Variants in ABCG1 observed in about 807,000 individuals in gnomAD.
The protein encoded by ABCG1 is ATP binding cassette subfamily G member 1.
In ABCG1, 29 loss-of-function variants were observed where a neutral mutation model predicts 69.2. That is an observed-to-expected ratio of 0.42 (90% CI 0.31 to 0.57). The LOEUF is 0.57. ABCG1 is among the 20% of genes least tolerant of loss of function. The pLI is 0.15. For missense variants in ABCG1, 718 were observed against 898.1 expected, an observed-to-expected ratio of 0.80 and a Z score of 2.56; for synonymous variants, 370 against 374.8, an observed-to-expected ratio of 0.99 and a Z score of 0.15.
intron 2 of ABCG1, among the ~76,000 whole-genome samples, chr21:42,244,882 C>T (rs2068108912): frequency 6.6e-6 from 1 of 152,246 alleles, no homozygotes; most frequent in African/African-American, 2.4e-5. Flanking sequence ...CTGTTGGAAC[C>T]CGAGCTTCAG....
chr21:42,260,978 C>A (rs983015557), intron 2 of ABCG1, among the ~76,000 whole-genome samples: 1 of 152,154 alleles, frequency 6.6e-6, no homozygotes, highest in Non-Finnish European at 1.5e-5. Flanking sequence ...CCAGCCACCA[C>A]ACCCGGCTAA....
chr21:42,276,690 A>G lies in ABCG1; in HGVS notation c.538-205A>G. 1.7e-6 allele frequency: 1 copy of G among 584,444 alleles called. No individual in the cohort carries two copies. 36.2% of individuals were successfully genotyped at this position (584,444 alleles called of 1,614,324 possible). On this transcript the variant is annotated intron_variant, in intron 4 of 14. Transcript: ENST00000398449. This position sits in a 1 kb window ranked among gnomAD's most constrained non-coding sequence, Gnocchi z 5.3. ...GCCTAGCTGCACTGTGGATAGCTGC[A>G]CCGTGACTAGTGGCACCGTGGCTAG...
chr21:42,280,256 G>A (rs1413205712), intron 5 of ABCG1, among the ~76,000 whole-genome samples: 1 of 152,252 alleles, frequency 6.6e-6, no homozygotes, highest in Non-Finnish European at 1.5e-5. Flanking sequence ...CCCCCGATGT[G>A]CACCTAGGTC....
intron 5 of ABCG1, among the ~76,000 whole-genome samples, chr21:42,281,826 C>A (rs113164880): frequency 1.8e-4 from 28 of 152,360 alleles, no homozygotes; most frequent in African/African-American, 6.7e-4. Flanking sequence ...ATCACAGCGA[C>A]CCTCCCCTTC....
At chr21:42,279,943 G>A (rs1281934345) in intron 5 of ABCG1, among the ~76,000 whole-genome samples, 1 of 152,222 alleles carries the variant, frequency 6.6e-6, no homozygotes, top group Admixed American at 6.5e-5. Flanking sequence ...GCCCGGATGA[G>A]AGCCTCCAGC....
chr21:42,278,670 T>C (rs1436376698), intron 5 of ABCG1, among the ~76,000 whole-genome samples: 2 of 152,256 alleles, frequency 1.3e-5, no homozygotes, highest in East Asian at 3.9e-4. Flanking sequence ...GGAGTTTCTG[T>C]TGTGGAAACC....
chr21:42,260,362 T>A (rs2068386826), intron 2 of ABCG1, among the ~76,000 whole-genome samples: 1 of 152,172 alleles, frequency 6.6e-6, no homozygotes, highest in African/African-American at 2.4e-5. Flanking sequence ...TGCCAGGGGC[T>A]CATCACCTGT....
chr21:42,264,801 G>A (rs1047697748), intron 2 of ABCG1, among the ~76,000 whole-genome samples: 1 of 152,072 alleles, frequency 6.6e-6, no homozygotes, highest in Admixed American at 6.6e-5. Context: ...ATAGAGGAGC[G>A]CTGTTTGGGG....
intron 2 of ABCG1, among the ~76,000 whole-genome samples, chr21:42,238,892 G>A (rs1249928960): frequency 3.3e-5 from 5 of 152,192 alleles, no homozygotes; most frequent in Non-Finnish European, 5.9e-5. Context: ...TTGGCAGGTC[G>A]TGAACATTGT....
chr21:42,294,708 G>T, intron 14 of ABCG1, 48 bp downstream of exon 14: 1 of 1,536,572 alleles, frequency 6.5e-7, no homozygotes, highest in Non-Finnish European at 9.0e-7. Flanking sequence ...GGTGACGGGG[G>T]AAGAACCGTC....
rs771197402 is a variant in ABCG1 at position 42,273,580 on chromosome 21, A to G, written c.537+145A>G. On this transcript the variant is annotated intron_variant, in intron 4 of 14. Coordinates refer to ENST00000398449, the MANE Select transcript of ABCG1 (RefSeq NM_016818.3). This position sits in a 1 kb window ranked among gnomAD's most constrained non-coding sequence, Gnocchi z 5.3. ...TGCACAGGGCCAGCAACCTCCCTCTAGCGGAGTTCTAACACCAGACTCGCT... is the reference window on the plus strand; with the variant it reads ...TGCACAGGGCCAGCAACCTCCCTCTGGCGGAGTTCTAACACCAGACTCGCT... 2.2e-6 allele frequency: 2 copies of G among 920,074 alleles called. No homozygotes were observed. Among genetic ancestry groups the G allele is most frequent in the South Asian group, 1.8e-5 (1 of 55,726 alleles). The allele number at this position is 920,074 out of a possible 1,614,324, so 57.0% of individuals were successfully genotyped here. A position where few individuals can be genotyped will look rare whatever the true frequency, so the allele number is the denominator to read the frequency against.
chr21:42,253,758 G>A (rs535783102), intron 2 of ABCG1, among the ~76,000 whole-genome samples: 3 of 152,154 alleles, frequency 2.0e-5, no homozygotes, highest in Non-Finnish European at 2.9e-5. Flanking sequence ...GGGTGAGATC[G>A]ATGGACCTGC....
Position 42,275,815 on chromosome 21 carries a change from C to T in ABCG1, c.538-1080C>T, listed in dbSNP as rs116804847. Reference sequence around the variant, plus strand: ...TTACCACTCAAGGTCCTGTCTCACACGGAGGAGATATTGGCCGCCCGTTGC... The same window carrying T: ...TTACCACTCAAGGTCCTGTCTCACATGGAGGAGATATTGGCCGCCCGTTGC... On this transcript the variant is annotated intron_variant, in intron 4 of 14. Transcript: ENST00000398449. 8.4e-3 allele frequency among the ~76,000 whole-genome samples: 1,281 copies of T among 152,362 alleles called. 24 individuals are homozygous for T. The highest frequency in any genetic ancestry group is 0.029 in the African/African-American group (1,204 of 41,576).
chr21:42,265,076 C>T (rs936149808), intron 2 of ABCG1, among the ~76,000 whole-genome samples: 1 of 152,174 alleles, frequency 6.6e-6, no homozygotes, highest in African/African-American at 2.4e-5. Context: ...AGGACAGCTT[C>T]ACACCATCTT....
chr21:42,202,045 AGTGTGCAG>A (rs148641827), intron 2 of ABCG1, among the ~76,000 whole-genome samples: 1,883 of 152,214 alleles, frequency 0.012, 47 homozygotes, highest in African/African-American at 0.043. Flanking sequence ...TGTCCTGCTG[AGTGTGCAG>A]GTGCCTGTCC....
Position 42,288,063 on chromosome 21 carries a change from G to C in ABCG1, c.1122+26G>C, listed in dbSNP as rs748469594. ...GTAAAGCAGACAAAACGATTAAAGG[G>C]GTTGAGAAAGGTAATGCAAATCCCG... On this transcript the variant is annotated intron_variant, in intron 9 of 14. Coordinates refer to ENST00000398449, the MANE Select transcript of ABCG1 (RefSeq NM_016818.3). The surrounding 1 kb of genome is among the most constrained non-coding windows in gnomAD (Gnocchi z 4.8). 3 of 1,604,776 alleles carry C rather than the reference G, an allele frequency of 1.9e-6. No individual in the cohort carries two copies. Among genetic ancestry groups the C allele is most frequent in the Non-Finnish European group, 2.6e-6 (3 of 1,173,008 alleles).
At chr21:42,267,226 C>T (rs2068520912) in intron 2 of ABCG1, among the ~76,000 whole-genome samples, 1 of 152,204 alleles carries the variant, frequency 6.6e-6, no homozygotes, top group Admixed American at 6.5e-5. Flanking sequence ...TTCTGGTCTG[C>T]AGTTTTTATC....
chr21:42,206,868 G>A (rs967844167), intron 2 of ABCG1: 1 of 144,814 alleles, frequency 6.9e-6, no homozygotes, highest in African/African-American at 2.5e-5. Context: ...ATTTCTGGGT[G>A]GCCAGTTTTT....
chr21:42,263,311 C>T (rs2068444565), intron 2 of ABCG1, among the ~76,000 whole-genome samples: 4 of 152,130 alleles, frequency 2.6e-5, no homozygotes, highest in African/African-American at 9.7e-5. Context: ...AGGGAGGAAA[C>T]CGTCTTTTTT....
Sources: allele counts gnomAD v4.1 joint callset (sites outside exome capture counted in the v4.1 genomes callset), GRCh38; gene constraint gnomAD v4.1.1; non-coding constraint Gnocchi (gnomAD v3.1); transcripts MANE v1.5; gene names NCBI Gene and HGNC (gene_info 2026-07-23, HGNC 2026-07-21).